The following SOX6 variants were observed in gnomAD, a reference collection of about 807,000 sequenced individuals.
SOX6 encodes SRY-box transcription factor 6.
Under a neutral mutation model 97.8 loss-of-function variants are expected in SOX6, and 11 were observed. That is an observed-to-expected ratio of 0.11 (90% CI 0.07 to 0.19). The LOEUF (loss-of-function observed/expected upper bound fraction) is 0.19, where lower values mean the gene tolerates loss of function less well. Ranked by LOEUF, SOX6 falls within the 10% of genes least tolerant of loss-of-function variation. The probability of loss-of-function intolerance (pLI) is 1.00; values close to 1 mark genes in which losing one functional copy is unlikely to be tolerated. For missense variants in SOX6, 810 were observed against 1,039.5 expected, an observed-to-expected ratio of 0.78 and a Z score of 3.04; for synonymous variants, 360 against 371.4, an observed-to-expected ratio of 0.97 and a Z score of 0.35.
intron 13 of SOX6, among the ~76,000 whole-genome samples, chr11:15,999,292 T>G (rs1854328233): frequency 6.6e-6 from 1 of 152,142 alleles, no homozygotes; most frequent in African/African-American, 2.4e-5. Flanking sequence ...GTAGTGAAAG[T>G]ATAAAACAGC....
At chr11:16,484,175 T>A (rs1199779296) in intron 4 of SOX6, 1 of 788,604 alleles carries the variant, frequency 1.3e-6, no homozygotes, top group African/African-American at 1.7e-5. Flanking sequence ...CCTCTCCACC[T>A]GGAAATGGTT....
chr11:16,134,106 G>A (rs1345907257), intron 6 of SOX6, among the ~76,000 whole-genome samples: 1 of 152,216 alleles, frequency 6.6e-6, no homozygotes, highest in Admixed American at 6.5e-5. Flanking sequence ...TGCTTTACAT[G>A]CATTAACACA....
At chr11:16,541,150 G>A (rs562625539) in intron 4 of SOX6, among the ~76,000 whole-genome samples, 1 of 151,996 alleles carries the variant, frequency 6.6e-6, no homozygotes, top group South Asian at 2.1e-4. Flanking sequence ...CAGAACAGAG[G>A]CCACAGGAAT....
chr11:16,545,377 G>A (rs879801265), intron 4 of SOX6, among the ~76,000 whole-genome samples: 2 of 146,922 alleles, frequency 1.4e-5, no homozygotes, highest in Non-Finnish European at 1.5e-5. Context: ...CATCTCAATA[G>A]ACACAGAAAA....
chr11:16,211,796 T>C (rs1852241190), intron 4 of SOX6, among the ~76,000 whole-genome samples: 1 of 152,114 alleles, frequency 6.6e-6, no homozygotes, highest in Admixed American at 6.5e-5. Flanking sequence ...TGCATAAAAG[T>C]TGAACTCCCA....
At chr11:16,641,721 A>T (rs2134004968) in intron 3 of SOX6, among the ~76,000 whole-genome samples, 1 of 152,264 alleles carries the variant, frequency 6.6e-6, no homozygotes, top group Admixed American at 6.5e-5. Context: ...AGAGACTAAG[A>T]TTGCAACCCC....
intron 4 of SOX6, among the ~76,000 whole-genome samples, chr11:16,608,746 A>T (rs10741703): frequency 0.43 from 66,056 of 152,106 alleles, 15,293 homozygotes; most frequent in East Asian, 0.85. Context: ...AAATTATTAC[A>T]CTTTCACGGC....
chr11:16,176,700 G>T (rs1247799433), intron 6 of SOX6, among the ~76,000 whole-genome samples: 3 of 151,842 alleles, frequency 2.0e-5, no homozygotes, highest in Non-Finnish European at 2.9e-5. Flanking sequence ...TCTATTTAAG[G>T]ATAAAGAGAA....
intron 1 of SOX6, among the ~76,000 whole-genome samples, chr11:16,370,016 G>A (rs545461850): frequency 1.1e-4 from 17 of 151,918 alleles, no homozygotes; most frequent in South Asian, 2.1e-4. Context: ...TAAGCCCCTC[G>A]CAAGTACCAG....
At chr11:16,355,266 A>T in intron 1 of SOX6, among the ~76,000 whole-genome samples, 1 of 152,092 alleles carries the variant, frequency 6.6e-6, no homozygotes. Flanking sequence ...ATAAGGAAAG[A>T]AACAAATTAA....
At chr11:16,257,411 A>G (rs1304640) in intron 3 of SOX6, among the ~76,000 whole-genome samples, 118,722 of 151,794 alleles carry the variant, frequency 0.78, 46,566 homozygotes, top group Non-Finnish European at 0.8. Flanking sequence ...TCACATAAAT[A>G]TGGTCAACTG....
chr11:16,209,246 A>G (rs1852153206), intron 4 of SOX6, among the ~76,000 whole-genome samples: 1 of 152,200 alleles, frequency 6.6e-6, no homozygotes, highest in Admixed American at 6.5e-5. Context: ...ATACTAGAAT[A>G]TAAGTGGACA....
At chr11:16,204,330 G>C (rs1254040804) in intron 4 of SOX6, among the ~76,000 whole-genome samples, 3 of 152,060 alleles carry the variant, frequency 2.0e-5, no homozygotes, top group Non-Finnish European at 4.4e-5. Flanking sequence ...TAGTACTAAA[G>C]CAACAGTGTG....
chr11:16,080,107 T>C (rs1441719545), intron 9 of SOX6, among the ~76,000 whole-genome samples: 1 of 149,978 alleles, frequency 6.7e-6, no homozygotes, highest in Non-Finnish European at 1.5e-5. Flanking sequence ...AAAAACATTC[T>C]CATCACACCA....
chr11:16,667,582 T>A (rs1377217317), intron 3 of SOX6, among the ~76,000 whole-genome samples: 3 of 151,466 alleles, frequency 2.0e-5, no homozygotes, highest in Non-Finnish European at 4.4e-5. Context: ...GAATAGTGTA[T>A]CCAGTGAAAA....
intron 1 of SOX6, among the ~76,000 whole-genome samples, chr11:16,459,097 G>A (rs2133104224): frequency 6.6e-6 from 1 of 151,966 alleles, no homozygotes; most frequent in Non-Finnish European, 1.5e-5. Flanking sequence ...GGAACAGAAG[G>A]AACAAACCCC....
At chr11:16,606,990 G>C (rs1230293635) in intron 4 of SOX6, among the ~76,000 whole-genome samples, 6 of 151,716 alleles carry the variant, frequency 4.0e-5, no homozygotes, top group Non-Finnish European at 8.8e-5. Flanking sequence ...CCTCCGCGTC[G>C]GCCCCTCGGA....
chr11:16,402,628 A>AT (rs762731836), intron 1 of SOX6: 82 of 1,594,672 alleles, frequency 5.1e-5, no homozygotes, highest in Non-Finnish European at 6.1e-5. Context: ...TTACCCTTTC[A>AT]TTTTTTTTAA....
At chr11:16,178,117 T>A (rs1021115420) in intron 6 of SOX6, among the ~76,000 whole-genome samples, 1 of 151,966 alleles carries the variant, frequency 6.6e-6, no homozygotes, top group Admixed American at 6.6e-5. Context: ...AACTAGCTGA[T>A]TCCATTGAGT....
Sources: gnomAD v4.1 joint callset for allele counts (sites outside exome capture counted in the v4.1 genomes callset) on GRCh38, gnomAD v4.1.1 for gene constraint, MANE v1.5 for transcripts, NCBI Gene and HGNC (gene_info 2026-07-23, HGNC 2026-07-21) for gene names.